Variants in SHANK2 observed in about 807,000 individuals in gnomAD.
SHANK2 encodes the protein SH3 and multiple ankyrin repeat domains 2, also known as SH3 and multiple ankyrin repeat domains protein 2.
Under a neutral mutation model 133.7 loss-of-function variants are expected in SHANK2, and 43 were observed. The ratio of observed to expected loss-of-function variants is 0.32; its 90% CI spans 0.25 to 0.41. The LOEUF is 0.41. SHANK2 is among the 10% of genes least tolerant of loss of function. The pLI is 1.00. For synonymous variants in SHANK2, 1,017 were observed against 952.8 expected (o/e 1.07, Z -1.24); for missense variants, 1,994 against 2,235.8 (o/e 0.89, Z 2.18).
intron 10 of SHANK2, among the ~76,000 whole-genome samples, chr11:70,936,750 G>C (rs1033934645): frequency 6.6e-6 from 1 of 152,068 alleles, no homozygotes; most frequent in Non-Finnish European, 1.5e-5. Context: ...AGGCCTCCTC[G>C]CCTCCCGGAC....
intron 10 of SHANK2, among the ~76,000 whole-genome samples, chr11:70,929,438 TA>T (rs1950472623): frequency 6.6e-6 from 1 of 152,142 alleles, no homozygotes; most frequent in Non-Finnish European, 1.5e-5. Context: ...AATCCTGAAA[TA>T]AAGGTGTGCT....
At chr11:70,842,868 G>C (rs772094199) in intron 11 of SHANK2, among the ~76,000 whole-genome samples, 1 of 152,206 alleles carries the variant, frequency 6.6e-6, no homozygotes, top group African/African-American at 2.4e-5. Flanking sequence ...CTTGCACGGG[G>C]ATCTGTGAGA....
At chr11:71,141,259 G>A (rs539856033) in intron 3 of SHANK2, among the ~76,000 whole-genome samples, 50 of 151,990 alleles carry the variant, frequency 3.3e-4, no homozygotes, top group African/African-American at 1.0e-3. Flanking sequence ...TTGGGAGATC[G>A]AGGTGGGCAG....
chr11:71,057,974 T>C (rs878921650), intron 9 of SHANK2, among the ~76,000 whole-genome samples: 51,310 of 143,916 alleles, frequency 0.36, 13,005 homozygotes, highest in African/African-American at 0.73. Context: ...AGTGCAGCGG[T>C]GCGATCACAG....
chr11:71,230,577 A>G (rs1328128975), intron 1 of SHANK2, among the ~76,000 whole-genome samples: 8 of 152,160 alleles, frequency 5.3e-5, no homozygotes, highest in Admixed American at 4.6e-4. Flanking sequence ...TCAAAAAAAA[A>G]AAAAGAAAGT....
At chr11:70,646,819 CTTTTATTTATTTTA>C (rs1163855310) in intron 17 of SHANK2, among the ~76,000 whole-genome samples, 17 of 106,040 alleles carry the variant, frequency 1.6e-4, no homozygotes, top group East Asian at 4.8e-4. Flanking sequence ...AGGAATCTAA[CTTTTATTTATTTTA>C]TTTATTTATT....
chr11:71,213,378 A>G (rs958695715), intron 2 of SHANK2, among the ~76,000 whole-genome samples: 5 of 152,184 alleles, frequency 3.3e-5, no homozygotes, highest in African/African-American at 2.4e-5. Flanking sequence ...CCAACCTTTC[A>G]CTATCCTAAA....
At chr11:71,131,083 G>C (rs1436219507) in intron 3 of SHANK2, among the ~76,000 whole-genome samples, 2 of 152,240 alleles carry the variant, frequency 1.3e-5, no homozygotes, top group South Asian at 2.1e-4. Flanking sequence ...AGGCGTCTTC[G>C]GGTCTTTGAT....
intron 17 of SHANK2, among the ~76,000 whole-genome samples, chr11:70,541,923 G>C (rs2059627042): frequency 6.6e-6 from 1 of 152,200 alleles, no homozygotes; most frequent in South Asian, 2.1e-4. Flanking sequence ...CACAGAGCAG[G>C]ACCCATGCAA....
chr11:70,680,073 A>G (rs915575104), intron 15 of SHANK2, among the ~76,000 whole-genome samples: 7 of 152,054 alleles, frequency 4.6e-5, no homozygotes, highest in Non-Finnish European at 7.4e-5. Context: ...TTTCTACTGC[A>G]TGTCTTGGCC....
intron 14 of SHANK2, among the ~76,000 whole-genome samples, chr11:70,734,552 C>G (rs1390038367): frequency 1.3e-5 from 2 of 152,298 alleles, no homozygotes; most frequent in African/African-American, 4.8e-5. Flanking sequence ...CTGCTGTGTG[C>G]TTCAAAGGAT....
At chr11:70,596,880 G>A (rs1300000956) in intron 17 of SHANK2, among the ~76,000 whole-genome samples, 2 of 152,206 alleles carry the variant, frequency 1.3e-5, no homozygotes, top group Non-Finnish European at 2.9e-5. Context: ...GCACAACATG[G>A]GCACAGGCTT....
At chr11:70,496,102 C>T (rs55934223) in intron 21 of SHANK2, among the ~76,000 whole-genome samples, 3,394 of 152,164 alleles carry the variant, frequency 0.022, 114 homozygotes, top group African/African-American at 0.077. Context: ...GCAGGACGGC[C>T]GAGGCCCTGC....
At chr11:70,558,196 G>C (rs1373353745) in intron 17 of SHANK2, among the ~76,000 whole-genome samples, 3 of 152,164 alleles carry the variant, frequency 2.0e-5, no homozygotes, top group Non-Finnish European at 4.4e-5. Flanking sequence ...GAGCCCCCTG[G>C]CCCCCCGACT....
At chr11:71,148,983 G>A (rs1952708531) in intron 2 of SHANK2, among the ~76,000 whole-genome samples, 2 of 66,570 alleles carry the variant, frequency 3.0e-5, no homozygotes, top group South Asian at 5.5e-4. Context: ...GGTGGGCCGC[G>A]CTGCTTGGAG....
At chr11:70,913,034 T>C (rs1312653853) in intron 10 of SHANK2, among the ~76,000 whole-genome samples, 1 of 151,194 alleles carries the variant, frequency 6.6e-6, no homozygotes, top group Non-Finnish European at 1.5e-5. Context: ...CTAAGCCAGT[T>C]CCTCATTCAT....
intron 1 of SHANK2, among the ~76,000 whole-genome samples, chr11:71,247,178 C>T (rs550376191): frequency 2.0e-5 from 3 of 152,268 alleles, no homozygotes; most frequent in African/African-American, 4.8e-5. Context: ...AGCTCACTTA[C>T]GTATCCGTCA....
intron 11 of SHANK2, among the ~76,000 whole-genome samples, chr11:70,855,740 G>C (rs1204119602): frequency 1.3e-5 from 2 of 152,168 alleles, no homozygotes; most frequent in Non-Finnish European, 2.9e-5. Flanking sequence ...AGGAAGGAAA[G>C]AAAAAAGAAA....
chr11:70,568,605 C>T (rs2059997816), intron 17 of SHANK2, among the ~76,000 whole-genome samples: 1 of 150,808 alleles, frequency 6.6e-6, no homozygotes, highest in Admixed American at 6.6e-5. Context: ...GAGGATACAT[C>T]TCCCAGCACC....
Sources: gnomAD v4.1 joint callset for allele counts (sites outside exome capture counted in the v4.1 genomes callset) on GRCh38, gnomAD v4.1.1 for gene constraint, MANE v1.5 for transcripts, NCBI Gene and HGNC (gene_info 2026-07-23, HGNC 2026-07-21) for gene names.